The following USP43 variants were observed in gnomAD, a reference collection of about 807,000 sequenced individuals.
The protein encoded by USP43 is ubiquitin specific peptidase 43.
In USP43, 33 loss-of-function variants were observed where a neutral mutation model predicts 90.7. The ratio of observed to expected loss-of-function variants is 0.36; its 90% CI spans 0.28 to 0.49. USP43 has a LOEUF of 0.49. Ranked by LOEUF, USP43 falls within the 20% of genes least tolerant of loss-of-function variation. The pLI is 0.98. For missense variants in USP43, 1,274 were observed against 1,476.4 expected (o/e 0.86, Z 2.25); for synonymous variants, 598 against 615.8 (o/e 0.97, Z 0.43).
intron 12 of USP43, among the ~76,000 whole-genome samples, chr17:9,702,682 C>T (rs138142499): frequency 6.6e-6 from 1 of 152,166 alleles, no homozygotes; most frequent in South Asian, 2.1e-4. Context: ...GCTTCTCCCC[C>T]ACCAGGGCCT....
At chr17:9,697,964 A>G (rs1282422607) in intron 9 of USP43, among the ~76,000 whole-genome samples, 1 of 152,216 alleles carries the variant, frequency 6.6e-6, no homozygotes, top group Admixed American at 6.5e-5. Flanking sequence ...AACAGTGTCT[A>G]AGCATTCTCT....
chr17:9,708,849 G>C (rs62064137), intron 12 of USP43, among the ~76,000 whole-genome samples: 7,596 of 152,074 alleles, frequency 0.05, 270 homozygotes, highest in Non-Finnish European at 0.076. Flanking sequence ...GGTTGGTCTC[G>C]AACTCCTGAC....
At chr17:9,717,090 T>C (rs894424767) in intron 14 of USP43, among the ~76,000 whole-genome samples, 1 of 141,530 alleles carries the variant, frequency 7.1e-6, no homozygotes, top group Non-Finnish European at 1.5e-5. Context: ...ACCCAGGAGG[T>C]GGAGGTTGCA....
At chr17:9,696,680 G>A (rs1257135837) in intron 9 of USP43, among the ~76,000 whole-genome samples, 3 of 152,212 alleles carry the variant, frequency 2.0e-5, no homozygotes, top group Non-Finnish European at 4.4e-5. Flanking sequence ...TAGGAACCTG[G>A]CATCATCCCT....
At chr17:9,671,495 G>A (rs893851444) in intron 3 of USP43, among the ~76,000 whole-genome samples, 5 of 152,220 alleles carry the variant, frequency 3.3e-5, no homozygotes, top group Non-Finnish European at 7.3e-5. Flanking sequence ...AAAGATGTGT[G>A]TGTATTTGGC....
At chr17:9,669,179 G>T (rs1160157640) in intron 3 of USP43, among the ~76,000 whole-genome samples, 2 of 152,040 alleles carry the variant, frequency 1.3e-5, no homozygotes, top group Non-Finnish European at 2.9e-5. Flanking sequence ...CCAACGCAGA[G>T]GGTGCTAGAA....
rs368083004 is a variant in USP43, at chr17:9,718,047, C to T, written c.2335+5915C>T. 1.1e-3 allele frequency among the ~76,000 whole-genome samples: 160 copies of T among 152,134 alleles called. 2 individuals are homozygous for T. Among genetic ancestry groups the T allele is most frequent in the African/African-American group, 3.7e-3 (155 of 41,478 alleles). Reference sequence around the variant, plus strand: ...TCTTCATCTCGTGATCTGCCCACCTCGGCCTCCCAAAGTGCTGGGATTACA... The same window carrying T: ...TCTTCATCTCGTGATCTGCCCACCTTGGCCTCCCAAAGTGCTGGGATTACA... On this transcript the variant is annotated intron_variant, in intron 14 of 14. Transcript: ENST00000285199.
chr17:9,697,132 G>T (rs533444943), intron 9 of USP43, among the ~76,000 whole-genome samples: 31 of 152,206 alleles, frequency 2.0e-4, no homozygotes, highest in African/African-American at 7.0e-4. Context: ...CAGGAGAATC[G>T]CTTGAACCCA....
In USP43 at chr17:9,728,723, C is replaced by G; in HGVS notation, c.3105C>G (p.Asp1035Glu). ...GTGGCGGGCTGAGCCCTGCCATGGA[C>G]GGGCAGGCTCCAGGCTCACCTCCTG... ...LVSGGLSPAM[D>E]GQAPGSPPAL... The change falls in exon 15 of 15, where the codon GAC becomes GAG. Residue 1035 changes from aspartate to glutamate, a missense_variant. Coordinates refer to ENST00000285199, the MANE Select transcript of USP43 (RefSeq NM_153210.5). The surrounding 1 kb of genome is among the most constrained non-coding windows in gnomAD (Gnocchi z 6.2). 2.5e-6 allele frequency: 4 copies of G among 1,600,880 alleles called. No homozygotes were observed. Among genetic ancestry groups the G allele is most frequent in the Middle Eastern group, 1.7e-4 (1 of 6,030 alleles).
intron 6 of USP43, among the ~76,000 whole-genome samples, chr17:9,681,205 AAT>A (rs1914194346): frequency 4.9e-5 from 3 of 61,522 alleles, no homozygotes; most frequent in Non-Finnish European, 5.2e-5. Context: ...TATACTATAT[AAT>A]ATATACATTA....
intron 1 of USP43, among the ~76,000 whole-genome samples, chr17:9,649,875 CATT>C (rs1475862243): frequency 6.6e-6 from 1 of 151,962 alleles, no homozygotes; most frequent in Non-Finnish European, 1.5e-5. Flanking sequence ...ACACAACAAT[CATT>C]AATAATTAAG....
chr17:9,708,260 G>A (rs1915999459), intron 12 of USP43, among the ~76,000 whole-genome samples: 1 of 152,196 alleles, frequency 6.6e-6, no homozygotes, highest in Admixed American at 6.5e-5. Flanking sequence ...TTTTTCCAAA[G>A]GGGTGATAAA....
At chr17:9,656,047 G>A (rs1912217617) in intron 1 of USP43, among the ~76,000 whole-genome samples, 1 of 152,138 alleles carries the variant, frequency 6.6e-6, no homozygotes, top group Admixed American at 6.5e-5. Flanking sequence ...GAAGATTAGT[G>A]GAGCATCATA....
chr17:9,657,715 AACTC>A (rs141727266), intron 2 of USP43, among the ~76,000 whole-genome samples: 12,094 of 152,030 alleles, frequency 0.08, 480 homozygotes, highest in South Asian at 0.13. Flanking sequence ...ATCTCAGGAG[AACTC>A]ACTCACAATC....
intron 7 of USP43, among the ~76,000 whole-genome samples, chr17:9,683,473 G>T (rs1020757605): frequency 1.3e-5 from 2 of 151,916 alleles, no homozygotes; most frequent in Admixed American, 6.6e-5. Context: ...AATGTATCTT[G>T]AATAATAAAC....
chr17:9,669,329 T>C (rs113488399), intron 3 of USP43, among the ~76,000 whole-genome samples: 2,844 of 152,346 alleles, frequency 0.019, 74 homozygotes, highest in African/African-American at 0.056. Flanking sequence ...CGAATTCATC[T>C]GTGTGCTTGT....
intron 9 of USP43, 47 bp from the exon 10 acceptor site, chr17:9,700,125 G>A (rs1915486980): frequency 7.9e-6 from 12 of 1,527,820 alleles, no homozygotes; most frequent in African/African-American, 1.4e-5. Context: ...AGAGCTGTGG[G>A]AAGGAGGCCC....
intron 14 of USP43, among the ~76,000 whole-genome samples, chr17:9,712,665 A>G (rs1916272363): frequency 6.6e-6 from 1 of 152,148 alleles, no homozygotes; most frequent in Admixed American, 6.6e-5. Flanking sequence ...TGGAGCAGAG[A>G]CACCCAGGAG....
rs1567679158 is a variant in USP43, at chr17:9,711,989, C to G, written c.2192C>G (p.Ser731Cys). ...SMRGSTSSSL[S>C]DHWLLRLGSH... is the part of the protein sequence containing the mutation. ...ACAGGCTCTACCAGCTCCTCCCTGT[C>G]TGATCACTGGCTCTTACGGCTCGGG... Residue 731 changes from serine to cysteine, a missense_variant, in exon 14 of 15, where the codon TCT becomes TGT. Coordinates refer to ENST00000285199, the MANE Select transcript of USP43 (RefSeq NM_153210.5). The G allele has an allele frequency of 6.2e-7, 1 of 1,610,522 alleles. No homozygotes were observed.
Sources: allele counts gnomAD v4.1 joint callset (sites outside exome capture counted in the v4.1 genomes callset), GRCh38; gene constraint gnomAD v4.1.1; non-coding constraint Gnocchi (gnomAD v3.1); transcripts MANE v1.5; gene names NCBI Gene and HGNC (gene_info 2026-07-23, HGNC 2026-07-21).